Variants in CAMSAP1 observed in about 807,000 individuals in gnomAD.
The protein encoded by CAMSAP1 is calmodulin regulated spectrin associated protein 1, also known as calmodulin-regulated spectrin-associated protein 1.
A neutral mutation model predicts 143.5 loss-of-function variants in CAMSAP1; 58 were observed. The ratio of observed to expected loss-of-function variants is 0.40; its 90% CI spans 0.33 to 0.50. The LOEUF is 0.50. Ranked by LOEUF, CAMSAP1 falls within the 20% of genes least tolerant of loss-of-function variation. CAMSAP1 has a pLI of 0.45. For missense variants in CAMSAP1, 1,969 were observed against 2,115.7 expected (o/e 0.93, Z 1.36); for synonymous variants, 945 against 859.3 (o/e 1.10, Z -1.74).
chr9:135,876,687 G>A (rs1837761309), intron 3 of CAMSAP1, among the ~76,000 whole-genome samples: 1 of 152,086 alleles, frequency 6.6e-6, no homozygotes. Context: ...ATGACCCAGA[G>A]ATTCTACTCC....
At chr9:135,841,397 A>AT (rs1378119182) in intron 7 of CAMSAP1, among the ~76,000 whole-genome samples, 1 of 152,200 alleles carries the variant, frequency 6.6e-6, no homozygotes, top group East Asian at 1.9e-4. Context: ...CAGAGCACCT[A>AT]GGGGAAGGGG....
At chr9:135,895,485 C>A (rs1342020763) in intron 1 of CAMSAP1, among the ~76,000 whole-genome samples, 2 of 152,012 alleles carry the variant, frequency 1.3e-5, no homozygotes, top group Non-Finnish European at 2.9e-5. Context: ...TCCAGCAAGA[C>A]TATCCTTAAA....
chr9:135,813,833 C>T (rs1835136441), intron 16 of CAMSAP1, among the ~76,000 whole-genome samples: 1 of 152,184 alleles, frequency 6.6e-6, no homozygotes, highest in Non-Finnish European at 1.5e-5. Context: ...TGTGACCAGC[C>T]CCCAAGGAGA....
intron 1 of CAMSAP1, among the ~76,000 whole-genome samples, chr9:135,884,147 T>C (rs374578708): frequency 9.9e-5 from 15 of 152,086 alleles, no homozygotes; most frequent in African/African-American, 3.4e-4. Context: ...GAGGTGCAGA[T>C]ACTCCCACCT....
In CAMSAP1 at chr9:135,843,873, CAAAAAAAAAAA is replaced by C. The variant is rs150201026; in HGVS notation, c.1045+6253_1045+6263del. ...TGGGCGACAGAGCAAGACTCCGTCT[CAAAAAAAAAAA>C]AAAAAAAAAAAAGAAGCGCTAACTA... On this transcript the variant is annotated intron_variant, in intron 7 of 16. Coordinates refer to ENST00000389532, the MANE Select transcript of CAMSAP1 (RefSeq NM_015447.4). Among the ~76,000 whole-genome samples the C allele has an allele frequency of 3.6e-4, 23 of 63,940 alleles. 1 individual carries two copies. The highest frequency in any genetic ancestry group is 1.1e-3 in the African/African-American group (19 of 17,070). The allele number at this position is 63,940 out of a possible 152,430, so 41.9% of individuals were successfully genotyped here. A position where few individuals can be genotyped will look rare whatever the true frequency, so the allele number is the denominator to read the frequency against.
At position 135,862,532 on chromosome 9, in the gene CAMSAP1, C is replaced by A; in HGVS notation, c.743G>T (p.Gly248Val). Residue 248 changes from glycine (G) to valine (V), a missense_variant, in exon 5 of 17, where the codon GGC becomes GTC. Gly to Val is a moderately radical substitution (Grantham distance 109, BLOSUM62 -3). Coordinates refer to ENST00000389532, the MANE Select transcript of CAMSAP1 (RefSeq NM_015447.4). Reference protein sequence around the residue: ...FPLLEDLMRDGSDGAALLAVI... With the variant: ...FPLLEDLMRDVSDGAALLAVI... ...AGCTAAGAGAGCAGCACCATCACTG[C>A]CGTCTCTCATCAAATCCTCCAACAA... is the stretch of plus-strand genomic sequence containing the variant. The A allele has an allele frequency of 6.4e-7, 1 of 1,551,694 alleles. No individual in the cohort carries two copies. The highest frequency in any genetic ancestry group is 8.7e-7 in the Non-Finnish European group (1 of 1,146,992).
At chr9:135,848,260 G>A (rs1180935468) in intron 7 of CAMSAP1, among the ~76,000 whole-genome samples, 1 of 152,044 alleles carries the variant, frequency 6.6e-6, no homozygotes, top group Non-Finnish European at 1.5e-5. Context: ...CCGTGAGGAA[G>A]CGAGGTGACT....
chr9:135,864,086 C>T (rs542912270), intron 4 of CAMSAP1, among the ~76,000 whole-genome samples: 51 of 152,316 alleles, frequency 3.3e-4, no homozygotes, highest in African/African-American at 1.1e-3. Context: ...CACACTTCTC[C>T]TCACTGACCT....
intron 3 of CAMSAP1, among the ~76,000 whole-genome samples, chr9:135,880,195 C>T (rs1019069401): frequency 4.6e-5 from 7 of 152,222 alleles, no homozygotes; most frequent in African/African-American, 9.6e-5. Flanking sequence ...ATTACAGGAG[C>T]GTCCCCGAAG....
In CAMSAP1 at chr9:135,822,094, C is replaced by G; in HGVS notation, c.2567G>C (p.Arg856Thr). The change falls in exon 11 of 17, where the codon AGG (arginine) becomes ACG (threonine). Residue 856 changes from arginine to threonine, a missense_variant. Physicochemically the swap from Arg to Thr is moderately conservative, Grantham distance 71. Transcript: ENST00000389532. This position sits in a 1 kb window ranked among gnomAD's most constrained non-coding sequence, Gnocchi z 6.1. ...ESCPAPLTTW[R>T]QKREQSPSQH... ...GCTCGGACTCTGCTCCCTCTTCTGC[C>G]TCCACGTCGTCAGAGGGGCTGGGCA... The G allele has an allele frequency of 1.2e-6, 2 of 1,612,970 alleles. No individual in the cohort carries two copies. The highest frequency in any genetic ancestry group is 3.3e-4 in the Middle Eastern group (2 of 6,060).
chr9:135,861,071 C>T (rs1837168805), intron 5 of CAMSAP1, among the ~76,000 whole-genome samples: 1 of 152,212 alleles, frequency 6.6e-6, no homozygotes, highest in Admixed American at 6.5e-5. Flanking sequence ...CCTCCACATC[C>T]CCAGAGCCAA....
At position 135,818,243 on chromosome 9, in the gene CAMSAP1, C is replaced by A. The variant is rs1835313113; in HGVS notation, c.4169-164G>T. 1 of 1,098,560 alleles carries A rather than the reference C, an allele frequency of 9.1e-7. No homozygotes were observed. Among genetic ancestry groups the A allele is most frequent in the Non-Finnish European group, 1.3e-6 (1 of 774,632 alleles). 68.1% of individuals were successfully genotyped at this position (1,098,560 alleles called of 1,614,324 possible). ...GGCTGCGCCTGGATGTGCCGCACAT[C>A]TCAGAGCATCTGGTCTCAACATTGT... On this transcript the variant is annotated intron_variant, in intron 13 of 16. Coordinates refer to ENST00000389532, the MANE Select transcript of CAMSAP1 (RefSeq NM_015447.4). The surrounding 1 kb of genome is among the most constrained non-coding windows in gnomAD (Gnocchi z 7.7).
chr9:135,874,974 A>C (rs751227780), intron 3 of CAMSAP1, among the ~76,000 whole-genome samples: 1 of 152,248 alleles, frequency 6.6e-6, no homozygotes, highest in African/African-American at 2.4e-5. Context: ...GTTACCCTGA[A>C]AAACCATAAA....
chr9:135,896,120 G>A (rs574683572), intron 1 of CAMSAP1, among the ~76,000 whole-genome samples: 1 of 152,190 alleles, frequency 6.6e-6, no homozygotes, highest in South Asian at 2.1e-4. Flanking sequence ...GACTGGTAGA[G>A]GGTAGATTAA....
intron 5 of CAMSAP1, among the ~76,000 whole-genome samples, chr9:135,854,016 A>G (rs1375957369): frequency 2.0e-5 from 3 of 152,276 alleles, no homozygotes; most frequent in African/African-American, 7.2e-5. Flanking sequence ...ATGGAAAGCC[A>G]GCCTAGAATT....
chr9:135,863,688 CTTATT>C (rs1195414726), intron 4 of CAMSAP1, among the ~76,000 whole-genome samples: 1 of 152,082 alleles, frequency 6.6e-6, no homozygotes, highest in East Asian at 1.9e-4. Flanking sequence ...AGCAATAAGG[CTTATT>C]TTATGTCAAT....
At chr9:135,815,463 T>TA (rs577087285) in intron 15 of CAMSAP1, among the ~76,000 whole-genome samples, 5 of 152,042 alleles carry the variant, frequency 3.3e-5, no homozygotes, top group South Asian at 2.1e-4. Flanking sequence ...GTCTTAACTA[T>TA]AAAAAAAAGA....
chr9:135,862,739 C>G, intron 4 of CAMSAP1, 131 bp from the exon 5 acceptor site: 1 of 927,080 alleles, frequency 1.1e-6, no homozygotes, highest in South Asian at 1.6e-5. Context: ...TTGCAATAAT[C>G]TAGAAAGAGT....
intron 4 of CAMSAP1, chr9:135,865,323 T>G (rs1264374676): frequency 6.4e-6 from 10 of 1,550,468 alleles, no homozygotes; most frequent in Admixed American, 2.0e-5. Context: ...CGGCTTGGGG[T>G]TCACTTACAG....
Sources: allele counts gnomAD v4.1 joint callset (sites outside exome capture counted in the v4.1 genomes callset), GRCh38; gene constraint gnomAD v4.1.1; non-coding constraint Gnocchi (gnomAD v3.1); transcripts MANE v1.5; gene names NCBI Gene and HGNC (gene_info 2026-07-23, HGNC 2026-07-21).